The following PRKAG2 variants were observed in gnomAD, a reference collection of about 807,000 sequenced individuals.
The protein encoded by PRKAG2 is protein kinase AMP-activated non-catalytic subunit gamma 2, also known as 5'-AMP-activated protein kinase subunit gamma-2.
PRKAG2 carries 26 observed loss-of-function variants against 69.6 expected under a neutral mutation model. That is an observed-to-expected ratio of 0.37 (90% CI 0.27 to 0.52). The LOEUF (loss-of-function observed/expected upper bound fraction) is 0.52, where lower values mean the gene tolerates loss of function less well. Ranked by LOEUF, PRKAG2 falls within the 20% of genes least tolerant of loss-of-function variation. PRKAG2 has a pLI of 0.90. For synonymous variants in PRKAG2, 293 were observed against 285.0 expected, an observed-to-expected ratio of 1.03 and a Z score of -0.28; for missense variants, 557 against 740.0, an observed-to-expected ratio of 0.75 and a Z score of 2.87.
chr7:151,614,252 C>A lies in PRKAG2; in HGVS notation c.754+17817G>T, dbSNP rs369777494. Among the ~76,000 whole-genome samples, 4 of 152,284 alleles carry A rather than the reference C, an allele frequency of 2.6e-5. No individual in the cohort carries two copies. The highest frequency in any genetic ancestry group is 9.6e-5 in the African/African-American group (4 of 41,574). Reference sequence around the variant, plus strand: ...AGGCAGAGGCCTGAGCCCCTCAGATCTGAGGGTATCCTCAGGAGCTCGCAG... The same window carrying A: ...AGGCAGAGGCCTGAGCCCCTCAGATATGAGGGTATCCTCAGGAGCTCGCAG... On this transcript the variant is annotated intron_variant, in intron 5 of 15. Coordinates refer to ENST00000287878, the MANE Select transcript of PRKAG2 (RefSeq NM_016203.4). The surrounding 1 kb of genome is among the most constrained non-coding windows in gnomAD (Gnocchi z 4.4).
At chr7:151,834,521 G>C (rs564814008) in intron 1 of PRKAG2, among the ~76,000 whole-genome samples, 1 of 152,328 alleles carries the variant, frequency 6.6e-6, no homozygotes, top group South Asian at 2.1e-4. Flanking sequence ...TAAAGGCACG[G>C]GTGTCCCTGT....
chr7:151,585,110 G>A (rs747589952), intron 6 of PRKAG2, among the ~76,000 whole-genome samples: 9 of 151,758 alleles, frequency 5.9e-5, no homozygotes, highest in Non-Finnish European at 1.2e-4. Context: ...TAAAGGCTGG[G>A]GATTTTAAAA....
chr7:151,647,745 A>G (rs1827807848), intron 4 of PRKAG2, among the ~76,000 whole-genome samples: 1 of 152,236 alleles, frequency 6.6e-6, no homozygotes, highest in African/African-American at 2.4e-5. Flanking sequence ...ATTGCATGTA[A>G]GAAGTGAATG....
chr7:151,858,826 A>AT (rs2079847798), intron 1 of PRKAG2, among the ~76,000 whole-genome samples: 1 of 152,200 alleles, frequency 6.6e-6, no homozygotes, highest in South Asian at 2.1e-4. Flanking sequence ...CAGAATGCAC[A>AT]GTGTGGAGCA....
At chr7:151,826,861 C>T (rs1277793984) in intron 1 of PRKAG2, among the ~76,000 whole-genome samples, 1 of 152,176 alleles carries the variant, frequency 6.6e-6, no homozygotes, top group Non-Finnish European at 1.5e-5. Context: ...GCTCTATTCA[C>T]TTGTTTATTC....
chr7:151,625,730 AT>A (rs1822690822), intron 5 of PRKAG2, among the ~76,000 whole-genome samples: 3 of 152,256 alleles, frequency 2.0e-5, no homozygotes, highest in African/African-American at 7.2e-5. Context: ...GGATGCGGGC[AT>A]TTATGGAATC....
At chr7:151,874,774 G>C (rs1240540004) in intron 1 of PRKAG2, among the ~76,000 whole-genome samples, 6 of 152,200 alleles carry the variant, frequency 3.9e-5, no homozygotes, top group Non-Finnish European at 1.5e-5. Context: ...TGTAGTCCCA[G>C]TTACTCAGGA....
chr7:151,842,121 G>A (rs1432444653), intron 1 of PRKAG2, among the ~76,000 whole-genome samples: 3 of 147,528 alleles, frequency 2.0e-5, no homozygotes, highest in Admixed American at 2.0e-4. Flanking sequence ...GTGATGGTAG[G>A]TGGGGATGGT....
intron 1 of PRKAG2, among the ~76,000 whole-genome samples, chr7:151,808,125 C>G (rs2078217008): frequency 6.6e-6 from 1 of 152,182 alleles, no homozygotes; most frequent in African/African-American, 2.4e-5. Flanking sequence ...ACTCACTGCA[C>G]TCCAGACTTT....
chr7:151,698,321 C>T (rs1410401321), intron 3 of PRKAG2, among the ~76,000 whole-genome samples: 1 of 152,216 alleles, frequency 6.6e-6, no homozygotes, highest in Non-Finnish European at 1.5e-5. Context: ...TGGTTTTTCC[C>T]TTCACTGTCC....
At chr7:151,857,130 A>G (rs1033615871) in intron 1 of PRKAG2, among the ~76,000 whole-genome samples, 6 of 50,952 alleles carry the variant, frequency 1.2e-4, no homozygotes, top group South Asian at 1.1e-3. Flanking sequence ...TCATTGCTGG[A>G]AAAAAAAAAA....
chr7:151,851,022 C>T (rs2079554960), intron 1 of PRKAG2, among the ~76,000 whole-genome samples: 1 of 152,192 alleles, frequency 6.6e-6, no homozygotes, highest in Non-Finnish European at 1.5e-5. Context: ...TCAAATTCCT[C>T]CAGCGATCCC....
chr7:151,836,343 T>G lies in PRKAG2; in HGVS notation c.114+40164A>C, dbSNP rs2079147537. Among the ~76,000 whole-genome samples the G allele has an allele frequency of 1.3e-5, 2 of 152,102 alleles. No individual in the cohort carries two copies. The highest frequency in any genetic ancestry group is 2.9e-5 in the Non-Finnish European group (2 of 68,016). On this transcript the variant is annotated intron_variant, in intron 1 of 15. Coordinates refer to ENST00000287878, the MANE Select transcript of PRKAG2 (RefSeq NM_016203.4). This position sits in a 1 kb window ranked among gnomAD's most constrained non-coding sequence, Gnocchi z 4.1. ...GACACACCTGGGTCCACAGGCTGGA[T>G]TCTCAAGAGGGGCGAGAGAATGGGG...
At chr7:151,787,734 C>CAGAATGTGACTGTATTTGGAG (rs1379632329) in intron 1 of PRKAG2, among the ~76,000 whole-genome samples, 1 of 152,174 alleles carries the variant, frequency 6.6e-6, no homozygotes, top group African/African-American at 2.4e-5. Flanking sequence ...CCCAGGACCT[C>CAGAATGTGACTGTATTTGGAG]AGAATGTGAC....
At chr7:151,674,590 T>G (rs1385190614) in intron 4 of PRKAG2, among the ~76,000 whole-genome samples, 1 of 152,206 alleles carries the variant, frequency 6.6e-6, no homozygotes, top group Non-Finnish European at 1.5e-5. Flanking sequence ...AAGTGCTTAG[T>G]GAAGCCACGG....
Position 151,556,782 on chromosome 7 carries a change from G to A in PRKAG2, c.*419C>T, listed in dbSNP as rs951231157. ...TTCAAAGACTTCCACATTCAAGCTC[G>A]GTGTTGTTTCACACGCGTGCGCCCC... On this transcript the variant is annotated 3_prime_UTR_variant, in exon 16 of 16. Coordinates refer to ENST00000287878, the MANE Select transcript of PRKAG2 (RefSeq NM_016203.4). 5 of 172,140 alleles carry A rather than the reference G, an allele frequency of 2.9e-5. No individual in the cohort carries two copies. The highest frequency in any genetic ancestry group is 2.3e-4 in the Admixed American group (4 of 17,744). The allele number at this position is 172,140 out of a possible 1,614,324, so 10.7% of individuals were successfully genotyped here.
At chr7:151,674,735 A>G (rs1585673724) in intron 4 of PRKAG2, among the ~76,000 whole-genome samples, 1 of 146,348 alleles carries the variant, frequency 6.8e-6, no homozygotes, top group Admixed American at 6.9e-5. Flanking sequence ...AAAATCTTAA[A>G]CCTCTAGAAT....
chr7:151,597,878 G>A (rs1585128704), intron 5 of PRKAG2, among the ~76,000 whole-genome samples: 3 of 146,880 alleles, frequency 2.0e-5, no homozygotes, highest in East Asian at 2.1e-4. Context: ...AATTAGTAGA[G>A]CCATTATAGA....
intron 1 of PRKAG2, among the ~76,000 whole-genome samples, chr7:151,865,842 AC>A (rs1202014370): frequency 6.6e-6 from 1 of 151,816 alleles, no homozygotes; most frequent in African/African-American, 2.4e-5. Flanking sequence ...ACACGGTGAA[AC>A]CCCGTCTCTA....
Sources: gnomAD v4.1 joint callset for allele counts (sites outside exome capture counted in the v4.1 genomes callset) on GRCh38, gnomAD v4.1.1 for gene constraint, Gnocchi (gnomAD v3.1) non-coding constraint, MANE v1.5 for transcripts, NCBI Gene and HGNC (gene_info 2026-07-23, HGNC 2026-07-21) for gene names.